Variants in DDX10 observed in about 807,000 individuals in gnomAD.
The protein encoded by DDX10 is DEAD-box helicase 10.
In DDX10, 74 loss-of-function variants were observed where a neutral mutation model predicts 104.3. The observed-to-expected ratio is 0.71, with a 90% confidence interval of 0.59 to 0.86. The LOEUF is 0.86. DDX10 is among the 40% of genes least tolerant of loss of function. The probability of loss-of-function intolerance (pLI) is 0.00; values close to 1 mark genes in which losing one functional copy is unlikely to be tolerated. For missense variants in DDX10, 952 were observed against 1,040.0 expected, an observed-to-expected ratio of 0.92 and a Z score of 1.16; for synonymous variants, 351 against 353.4, an observed-to-expected ratio of 0.99 and a Z score of 0.08.
intron 13 of DDX10, among the ~76,000 whole-genome samples, chr11:108,776,055 A>G (rs1004890597): frequency 8.5e-5 from 13 of 152,124 alleles, no homozygotes; most frequent in Admixed American, 5.2e-4. Context: ...TCACTTGTAT[A>G]TGGACATTTG....
chr11:108,668,713 G>A (rs530900603), intron 1 of DDX10, among the ~76,000 whole-genome samples: 72 of 152,202 alleles, frequency 4.7e-4, no homozygotes, highest in Non-Finnish European at 9.0e-4. Flanking sequence ...GCGGGTGTGA[G>A]TATATATGGA....
chr11:108,871,239 T>G (rs1863078109), intron 16 of DDX10, among the ~76,000 whole-genome samples: 1 of 152,102 alleles, frequency 6.6e-6, no homozygotes, highest in African/African-American at 2.4e-5. Flanking sequence ...AGCATGACAC[T>G]TAGGTGAGTG....
chr11:108,688,245 C>G (rs1302911912), intron 6 of DDX10, among the ~76,000 whole-genome samples: 1 of 151,998 alleles, frequency 6.6e-6, no homozygotes, highest in African/African-American at 2.4e-5. Flanking sequence ...TTTATTAATT[C>G]AAAGAGTAAA....
intron 17 of DDX10, among the ~76,000 whole-genome samples, chr11:108,925,755 T>C (rs937718456): frequency 6.6e-5 from 10 of 152,158 alleles, no homozygotes; most frequent in African/African-American, 2.4e-4. Flanking sequence ...ATTTTCGCTA[T>C]TGTAAGTAAT....
chr11:108,779,365 G>T (rs12283118), intron 13 of DDX10, among the ~76,000 whole-genome samples: 5,041 of 152,196 alleles, frequency 0.033, 283 homozygotes, highest in African/African-American at 0.11. Flanking sequence ...CCATAAAAAA[G>T]GATGAGTTCA....
At chr11:108,772,840 T>C (rs2094365029) in intron 13 of DDX10, among the ~76,000 whole-genome samples, 1 of 152,202 alleles carries the variant, frequency 6.6e-6, no homozygotes, top group Non-Finnish European at 1.5e-5. Flanking sequence ...GACCATCCCC[T>C]GTCAGTGGAA....
intron 16 of DDX10, among the ~76,000 whole-genome samples, chr11:108,884,400 C>G (rs1863267174): frequency 6.6e-6 from 1 of 152,178 alleles, no homozygotes; most frequent in East Asian, 1.9e-4. Flanking sequence ...ACCATCCGCA[C>G]TCTGCCTGCT....
chr11:108,874,308 G>C (rs1863121631), intron 16 of DDX10, among the ~76,000 whole-genome samples: 1 of 152,168 alleles, frequency 6.6e-6, no homozygotes, highest in South Asian at 2.1e-4. Flanking sequence ...CATGAGGGAA[G>C]TGTGCTGCAC....
intron 16 of DDX10, among the ~76,000 whole-genome samples, chr11:108,866,262 G>A (rs1027855646): frequency 6.6e-6 from 1 of 152,102 alleles, no homozygotes; most frequent in African/African-American, 2.4e-5. Flanking sequence ...TATTTTTCAG[G>A]GAAGTATGAA....
intron 13 of DDX10, among the ~76,000 whole-genome samples, chr11:108,757,166 A>G (rs776524035): frequency 1.3e-5 from 2 of 151,912 alleles, no homozygotes; most frequent in African/African-American, 4.8e-5. Context: ...CAAATCATCA[A>G]CCTGTCTGCA....
intron 13 of DDX10, among the ~76,000 whole-genome samples, chr11:108,732,917 C>G (rs2094314030): frequency 6.6e-6 from 1 of 152,126 alleles, no homozygotes; most frequent in South Asian, 2.1e-4. Context: ...CATATGCTTT[C>G]TTTTCTTTTT....
At chr11:108,873,821 A>C (rs1355126864) in intron 16 of DDX10, among the ~76,000 whole-genome samples, 1 of 152,232 alleles carries the variant, frequency 6.6e-6, no homozygotes, top group African/African-American at 2.4e-5. Context: ...TTTAGATGTC[A>C]TTATAGTTTT....
chr11:108,773,418 T>C (rs1460254893), intron 13 of DDX10, among the ~76,000 whole-genome samples: 1 of 152,214 alleles, frequency 6.6e-6, no homozygotes, highest in Non-Finnish European at 1.5e-5. Context: ...TCTACCTGTG[T>C]TCTTTAACTG....
chr11:108,887,861 G>T (rs927796639), intron 16 of DDX10, among the ~76,000 whole-genome samples: 2 of 152,024 alleles, frequency 1.3e-5, no homozygotes, highest in African/African-American at 4.8e-5. Context: ...TAGAGATTGC[G>T]GTGAGCCGCG....
intron 13 of DDX10, among the ~76,000 whole-genome samples, chr11:108,803,051 A>G (rs1446242265): frequency 6.6e-6 from 1 of 152,222 alleles, no homozygotes; most frequent in African/African-American, 2.4e-5. Flanking sequence ...CTTATACTCT[A>G]CGATTACACA....
chr11:108,770,514 C>T (rs2094361758), intron 13 of DDX10, among the ~76,000 whole-genome samples: 1 of 141,242 alleles, frequency 7.1e-6, no homozygotes, highest in Admixed American at 7.2e-5. Flanking sequence ...GCACCAACCC[C>T]CACTACCCTT....
At chr11:108,761,024 A>G (rs977087448) in intron 13 of DDX10, among the ~76,000 whole-genome samples, 14 of 152,116 alleles carry the variant, frequency 9.2e-5, no homozygotes, top group African/African-American at 2.9e-4. Context: ...AATATATAAT[A>G]CTTTAACCAT....
At chr11:108,736,392 A>G (rs1409723097) in intron 13 of DDX10, among the ~76,000 whole-genome samples, 2 of 152,060 alleles carry the variant, frequency 1.3e-5, no homozygotes, top group Admixed American at 6.6e-5. Flanking sequence ...TTTGCAGTTT[A>G]TCACCCTTTC....
chr11:108,939,303 A>T (rs1381600013), intron 17 of DDX10, among the ~76,000 whole-genome samples: 1 of 152,124 alleles, frequency 6.6e-6, no homozygotes, highest in Non-Finnish European at 1.5e-5. Flanking sequence ...TTCATATCTG[A>T]GTTTGAATCC....
Sources: allele counts gnomAD v4.1 joint callset (sites outside exome capture counted in the v4.1 genomes callset), GRCh38; gene constraint gnomAD v4.1.1; transcripts MANE v1.5; gene names NCBI Gene and HGNC (gene_info 2026-07-23, HGNC 2026-07-21).